The following THRB variants were observed in gnomAD, a reference collection of about 807,000 sequenced individuals.
The protein encoded by THRB is nuclear receptor subfamily 1 group A member 2.
THRB carries 12 observed loss-of-function variants against 47.8 expected under a neutral mutation model. That is an observed-to-expected ratio of 0.25 (90% confidence interval 0.16 to 0.41). The LOEUF (loss-of-function observed/expected upper bound fraction) is 0.41, where lower values mean the gene tolerates loss of function less well. THRB is among the 10% of genes least tolerant of loss of function. THRB has a pLI of 1.00. For missense variants in THRB, 348 were observed against 589.2 expected, an observed-to-expected ratio of 0.59 and a Z score of 4.24; for synonymous variants, 218 against 212.2, an observed-to-expected ratio of 1.03 and a Z score of -0.24.
In THRB at chr3:24,121,243, A is replaced by G. The variant is rs1460768365; in HGVS notation, c.*1641T>C. ...CAAGACCTAGAATTACAAATCTACC[A>G]GTTGACAGAGCACGAACTAGAACTC... On this transcript the variant is annotated 3_prime_UTR_variant, in exon 11 of 11. Coordinates refer to ENST00000646209, the MANE Select transcript of THRB (RefSeq NM_001354712.2). 6.6e-6 allele frequency: 1 copy of G among 152,628 alleles called. No homozygotes were observed. Among genetic ancestry groups the G allele is most frequent in the Non-Finnish European group, 1.5e-5 (1 of 68,034 alleles). The allele number at this position is 152,628 out of a possible 1,614,324, so 9.5% of individuals were successfully genotyped here. A position where few individuals can be genotyped will look rare whatever the true frequency, so the allele number is the denominator to read the frequency against.
rs181159772 is a variant in THRB, at chr3:24,153,729, A to G, written c.284-1239T>C. Among the ~76,000 whole-genome samples, 36 of 152,208 alleles carry G rather than the reference A, an allele frequency of 2.4e-4. No individual in the cohort carries two copies. The Middle Eastern group carries it at 0.014, about 58-fold the overall frequency. On this transcript the variant is annotated intron_variant, in intron 5 of 10. Coordinates refer to ENST00000646209, the MANE Select transcript of THRB (RefSeq NM_001354712.2). Reference sequence around the variant, plus strand: ...TGGTTTACCATTGATAAATTATGTGATATATAGAATCACACAGCTTCACAT... The same window carrying G: ...TGGTTTACCATTGATAAATTATGTGGTATATAGAATCACACAGCTTCACAT...
At chr3:24,318,611 T>C (rs982958993) in intron 2 of THRB, 1 of 152,270 alleles carries the variant, frequency 6.6e-6, no homozygotes, top group East Asian at 1.9e-4. Context: ...GGACTGTGTC[T>C]ATTTCCCTGT....
intron 5 of THRB, among the ~76,000 whole-genome samples, chr3:24,173,200 C>G (rs936904650): frequency 6.6e-6 from 1 of 152,208 alleles, no homozygotes; most frequent in African/African-American, 2.4e-5. Flanking sequence ...GTTTGAGAAC[C>G]ACTGTCTTAG....
rs567213103 is a variant in THRB at position 24,149,500 on chromosome 3, T to C, written c.385-2678A>G. ...ACTCCAAAAAGTCACTCTGTTCACT[T>C]TTTATTGGGATGAATGAAATAATTT... is the stretch of plus-strand genomic sequence containing the variant. On this transcript the variant is annotated intron_variant, in intron 6 of 10. Transcript: ENST00000646209. Among the ~76,000 whole-genome samples, 4 of 152,258 alleles carry C rather than the reference T, an allele frequency of 2.6e-5. No homozygotes were observed. In the East Asian group the frequency reaches 5.8e-4, roughly 22 times the overall value.
intron 1 of THRB, among the ~76,000 whole-genome samples, chr3:24,451,452 G>C (rs2072646131): frequency 6.6e-6 from 1 of 151,914 alleles, no homozygotes; most frequent in Non-Finnish European, 1.5e-5. Context: ...AGCCAAGCTG[G>C]TCTTACATTC....
At chr3:24,209,723 T>C (rs1170403305) in intron 4 of THRB, among the ~76,000 whole-genome samples, 1 of 152,062 alleles carries the variant, frequency 6.6e-6, no homozygotes, top group Admixed American at 6.5e-5. Flanking sequence ...ATACCTAATG[T>C]AAATGACGTG....
At chr3:24,370,987 A>G (rs556337539) in intron 1 of THRB, among the ~76,000 whole-genome samples, 1 of 152,274 alleles carries the variant, frequency 6.6e-6, no homozygotes, top group East Asian at 1.9e-4. Flanking sequence ...AAGGGAAACT[A>G]TTATTTACCC....
chr3:24,240,883 G>A (rs1391362720), intron 3 of THRB, among the ~76,000 whole-genome samples: 1 of 151,660 alleles, frequency 6.6e-6, no homozygotes, highest in Non-Finnish European at 1.5e-5. Flanking sequence ...GAACTAAGGT[G>A]CCATCCTGGT....
intron 1 of THRB, among the ~76,000 whole-genome samples, chr3:24,389,386 C>T (rs2066381471): frequency 6.6e-6 from 1 of 152,104 alleles, no homozygotes; most frequent in Non-Finnish European, 1.5e-5. Context: ...GCAAGTGCTC[C>T]CACAGAGTAA....
At chr3:24,156,344 G>C (rs1397555343) in intron 5 of THRB, among the ~76,000 whole-genome samples, 1 of 152,220 alleles carries the variant, frequency 6.6e-6, no homozygotes, top group African/African-American at 2.4e-5. Context: ...CAGGTCCTAG[G>C]AGGAGAAACA....
intron 1 of THRB, among the ~76,000 whole-genome samples, chr3:24,403,134 C>T (rs2067550395): frequency 6.6e-6 from 1 of 151,844 alleles, no homozygotes. Context: ...AATGTCATAA[C>T]ATTGAGTGAA....
intron 1 of THRB, among the ~76,000 whole-genome samples, chr3:24,337,579 A>T (rs550461987): frequency 5.3e-5 from 8 of 152,324 alleles, no homozygotes; most frequent in African/African-American, 1.9e-4. Flanking sequence ...TAACACAAGG[A>T]CTGTAAGAAC....
chr3:24,192,156 G>A (rs1377330831), intron 4 of THRB, among the ~76,000 whole-genome samples: 1 of 152,176 alleles, frequency 6.6e-6, no homozygotes, highest in Non-Finnish European at 1.5e-5. Context: ...CTTATTCTCA[G>A]TAGCCATTAA....
chr3:24,292,760 CAAT>C (rs750349821), intron 3 of THRB, among the ~76,000 whole-genome samples: 1 of 152,090 alleles, frequency 6.6e-6, no homozygotes, highest in Non-Finnish European at 1.5e-5. Flanking sequence ...AAATCAATAA[CAAT>C]AATAGAATGC....
chr3:24,466,817 T>C (rs912459675), intron 1 of THRB, among the ~76,000 whole-genome samples: 13 of 152,230 alleles, frequency 8.5e-5, no homozygotes, highest in African/African-American at 3.1e-4. Context: ...TTTTTGCAGG[T>C]GAAGCGTCTT....
intron 1 of THRB, among the ~76,000 whole-genome samples, chr3:24,369,245 A>T (rs568761414): frequency 6.6e-6 from 1 of 152,308 alleles, no homozygotes; most frequent in African/African-American, 2.4e-5. Flanking sequence ...CTAACATCAT[A>T]TCTACTATAT....
chr3:24,330,341 A>G (rs1372506933), intron 2 of THRB, among the ~76,000 whole-genome samples: 1 of 152,254 alleles, frequency 6.6e-6, no homozygotes, highest in East Asian at 1.9e-4. Flanking sequence ...TTTCATTTCA[A>G]GGGTTCAAAT....
chr3:24,250,459 G>T (rs1488132591), intron 3 of THRB, among the ~76,000 whole-genome samples: 1 of 152,168 alleles, frequency 6.6e-6, no homozygotes, highest in Non-Finnish European at 1.5e-5. Flanking sequence ...CACTTTGGGA[G>T]GCTGAGGCAG....
intron 2 of THRB, among the ~76,000 whole-genome samples, chr3:24,319,222 A>G (rs183342630): frequency 6.6e-6 from 1 of 152,296 alleles, no homozygotes; most frequent in East Asian, 1.9e-4. Context: ...TTAAACATAT[A>G]TCTACCCTAT....
Sources: allele counts gnomAD v4.1 joint callset (sites outside exome capture counted in the v4.1 genomes callset), GRCh38; gene constraint gnomAD v4.1.1; transcripts MANE v1.5; gene names NCBI Gene and HGNC (gene_info 2026-07-23, HGNC 2026-07-21).